RNF4: variants seen among roughly 807,000 people sequenced by gnomAD.
The protein encoded by RNF4 is ring finger protein 4.
In RNF4, 7 loss-of-function variants were observed where a neutral mutation model predicts 24.3. That is an observed-to-expected ratio of 0.29 (90% CI 0.16 to 0.54). RNF4 has a LOEUF of 0.54. Among genes scored for constraint, RNF4 ranks in the 20% least tolerant of loss-of-function variants. The pLI, the probability that RNF4 is intolerant of heterozygous loss-of-function variation, is 0.95. For synonymous variants in RNF4, 83 were observed against 84.3 expected (o/e 0.98, Z 0.09); for missense variants, 209 against 248.5 (o/e 0.84, Z 1.07).
chr4:2,481,607 T>C (rs1303126086), intron 1 of RNF4, among the ~76,000 whole-genome samples: 1 of 152,210 alleles, frequency 6.6e-6, no homozygotes, highest in East Asian at 1.9e-4. Context: ...GACCTCCTCC[T>C]CCTGCTCTCT....
chr4:2,493,143 A>C (rs1276151481), intron 2 of RNF4, among the ~76,000 whole-genome samples: 1 of 152,066 alleles, frequency 6.6e-6, no homozygotes, highest in Non-Finnish European at 1.5e-5. Flanking sequence ...TGGGAGGAGG[A>C]GGCTCAGAGA....
chr4:2,478,776 T>C (rs1011650344), intron 1 of RNF4, among the ~76,000 whole-genome samples: 1 of 152,244 alleles, frequency 6.6e-6, no homozygotes, highest in Non-Finnish European at 1.5e-5. Context: ...GAACCTCCGC[T>C]AGGGCAGTGT....
Position 2,514,009 on chromosome 4 carries a change from GCCCTC to G in RNF4, c.*193_*197del, listed in dbSNP as rs1426222807. ...TTGATGCTATGGCGCTGGACCCAGG[GCCCTC>G]CCAGGCCATCTCTGTTCCTCTGGGG... On this transcript the variant is annotated 3_prime_UTR_variant, in exon 8 of 8. Transcript: ENST00000314289. The G allele has an allele frequency of 1.4e-5, 10 of 696,570 alleles. No homozygotes were observed. The highest frequency in any genetic ancestry group is 5.7e-5 in the Admixed American group (2 of 34,958). The allele number at this position is 696,570 out of a possible 1,614,324, so 43.1% of individuals were successfully genotyped here.
chr4:2,501,432 G>A (rs1468362026), intron 4 of RNF4, among the ~76,000 whole-genome samples: 4 of 152,234 alleles, frequency 2.6e-5, no homozygotes, highest in Non-Finnish European at 5.9e-5. Flanking sequence ...TGGAGCCCAG[G>A]AGGCTGCCTG....
intron 1 of RNF4, among the ~76,000 whole-genome samples, chr4:2,477,210 G>A (rs763512098): frequency 2.0e-5 from 3 of 152,190 alleles, no homozygotes; most frequent in Non-Finnish European, 4.4e-5. Context: ...CATGTTGTGG[G>A]AGGGACCCAG....
At chr4:2,507,655 A>C (rs1030655782) in intron 4 of RNF4, among the ~76,000 whole-genome samples, 1 of 152,088 alleles carries the variant, frequency 6.6e-6, no homozygotes, top group Non-Finnish European at 1.5e-5. Flanking sequence ...AGTGATTCCT[A>C]TACTTGCTTC....
intron 4 of RNF4, among the ~76,000 whole-genome samples, chr4:2,510,847 G>T (rs1736252474): frequency 6.6e-6 from 1 of 152,212 alleles, no homozygotes; most frequent in Non-Finnish European, 1.5e-5. Flanking sequence ...GTTTGAAACT[G>T]TTGGAGCAGA....
At chr4:2,498,588 T>C (rs1230168299) in intron 3 of RNF4, among the ~76,000 whole-genome samples, 2 of 152,218 alleles carry the variant, frequency 1.3e-5, no homozygotes, top group East Asian at 3.8e-4. Context: ...ACAGCCCTTC[T>C]TTTTAATAAA....
At chr4:2,484,308 C>T (rs1466846278) in intron 1 of RNF4, among the ~76,000 whole-genome samples, 1 of 151,808 alleles carries the variant, frequency 6.6e-6, no homozygotes, top group Non-Finnish European at 1.5e-5. Context: ...CCCCACTGCC[C>T]CTTTTCAGCT....
At chr4:2,475,295 A>C (rs939444397) in intron 1 of RNF4, among the ~76,000 whole-genome samples, 1 of 151,708 alleles carries the variant, frequency 6.6e-6, no homozygotes, top group African/African-American at 2.4e-5. Context: ...CCTCCCAAGT[A>C]GCTGGGGCTA....
rs754836786 is a variant in RNF4 at position 2,484,029 on chromosome 4, A to G, written c.-157-6308A>G. On this transcript the variant is annotated intron_variant, in intron 1 of 7. Coordinates refer to ENST00000314289, the MANE Select transcript of RNF4 (RefSeq NM_002938.5). ...TTTAGTAGGGGGTGGGTTTCACCATATTGTTCAGGCTGGTCTCGAACTCCT... is the reference window on the plus strand; with the variant it reads ...TTTAGTAGGGGGTGGGTTTCACCATGTTGTTCAGGCTGGTCTCGAACTCCT... 3.0e-3 allele frequency among the ~76,000 whole-genome samples: 322 copies of G among 107,532 alleles called. 1 individual carries two copies. Among genetic ancestry groups the G allele is most frequent in the Middle Eastern group, 0.01 (2 of 200 alleles). 70.5% of individuals were successfully genotyped at this position (107,532 alleles called of 152,430 possible).
rs930709842 is a variant in RNF4 at position 2,511,945 on chromosome 4, C to T, written c.205-11C>T. ...TTCTTTCTCTTTTGTTTTTCTCCTTCTGTTTACAAGATTGTTGACGGTGAG... is the reference window on the plus strand; with the variant it reads ...TTCTTTCTCTTTTGTTTTTCTCCTTTTGTTTACAAGATTGTTGACGGTGAG... On this transcript the variant is annotated splice_polypyrimidine_tract_variant and intron_variant, in intron 4 of 7. Transcript: ENST00000314289. 8 of 1,604,032 alleles carry T rather than the reference C, an allele frequency of 5.0e-6. No individual in the cohort carries two copies. The highest frequency in any genetic ancestry group is 6.0e-6 in the Non-Finnish European group (7 of 1,175,046).
intron 4 of RNF4, among the ~76,000 whole-genome samples, chr4:2,501,791 T>C (rs1273681946): frequency 1.3e-5 from 2 of 152,140 alleles, no homozygotes; most frequent in Admixed American, 1.3e-4. Flanking sequence ...CTCACTGGTG[T>C]TGGGGTTATC....
At chr4:2,504,405 A>G (rs1009690550) in intron 4 of RNF4, among the ~76,000 whole-genome samples, 2 of 152,124 alleles carry the variant, frequency 1.3e-5, no homozygotes, top group African/African-American at 4.8e-5. Flanking sequence ...ATGCTTGTCC[A>G]GTGGTGTCTC....
At chr4:2,499,368 C>T (rs1401248430) in intron 3 of RNF4, 2 of 436,402 alleles carry the variant, frequency 4.6e-6, no homozygotes, top group African/African-American at 2.1e-5. Context: ...CTTTGCATCC[C>T]GGGGTTCAAG....
intron 2 of RNF4, among the ~76,000 whole-genome samples, chr4:2,494,924 C>A (rs1202029570): frequency 6.6e-6 from 1 of 152,134 alleles, no homozygotes; most frequent in Non-Finnish European, 1.5e-5. Flanking sequence ...TAGTACAGGT[C>A]TTTGAATAAA....
chr4:2,510,319 G>T (rs144678026), intron 4 of RNF4, among the ~76,000 whole-genome samples: 32 of 152,272 alleles, frequency 2.1e-4, no homozygotes, highest in African/African-American at 7.7e-4. Flanking sequence ...AATAACTCTT[G>T]ACCTCGAAGC....
At chr4:2,473,722 A>G (rs2108747773) in intron 1 of RNF4, among the ~76,000 whole-genome samples, 1 of 152,098 alleles carries the variant, frequency 6.6e-6, no homozygotes, top group African/African-American at 2.4e-5. Flanking sequence ...GAGGCAGAGA[A>G]TTGCTTAAAC....
At chr4:2,495,034 G>A (rs1735691494) in intron 2 of RNF4, among the ~76,000 whole-genome samples, 1 of 152,212 alleles carries the variant, frequency 6.6e-6, no homozygotes, top group South Asian at 2.1e-4. Context: ...GCAACCTGGT[G>A]GCTGCTGGGG....
Sources: allele counts gnomAD v4.1 joint callset (sites outside exome capture counted in the v4.1 genomes callset), GRCh38; gene constraint gnomAD v4.1.1; transcripts MANE v1.5; gene names NCBI Gene and HGNC (gene_info 2026-07-23, HGNC 2026-07-21).